The following DLGAP2 variants were observed in gnomAD, a reference collection of about 807,000 sequenced individuals.
DLGAP2 encodes the protein DLG associated protein 2.
Under a neutral mutation model 100.3 loss-of-function variants are expected in DLGAP2, and 26 were observed. That is an observed-to-expected ratio of 0.26 (90% confidence interval 0.19 to 0.36). The LOEUF (loss-of-function observed/expected upper bound fraction) is 0.36, where lower values mean the gene tolerates loss of function less well. Among genes scored for constraint, DLGAP2 ranks in the 10% least tolerant of loss-of-function variants. The pLI is 1.00. For missense variants in DLGAP2, 1,858 were observed against 1,453.2 expected (o/e 1.28, Z -4.53); for synonymous variants, 886 against 630.1 (o/e 1.41, Z -6.08).
intron 2 of DLGAP2, among the ~76,000 whole-genome samples, chr8:1,216,215 T>C (rs1798209906): frequency 6.6e-6 from 1 of 152,224 alleles, no homozygotes. Flanking sequence ...CATTGGGGTC[T>C]TCAGGTCTCA....
chr8:889,859 C>T lies in DLGAP2; in HGVS notation c.19-18053C>T, dbSNP rs542170872. Among the ~76,000 whole-genome samples, 137 of 152,350 alleles carry T rather than the reference C, an allele frequency of 9.0e-4. 1 individual carries two copies. Among genetic ancestry groups the T allele is most frequent in the Admixed American group, 6.1e-3 (93 of 15,304 alleles). On this transcript the variant is annotated intron_variant, in intron 1 of 14. Coordinates refer to ENST00000637795, the MANE Select transcript of DLGAP2 (RefSeq NM_001346810.2). Reference sequence around the variant, plus strand: ...AGAGGCTGTAAGAATCTTCACGTTCCGGGGCTGGAACTGTAGGCCCCAGTG... The same window carrying T: ...AGAGGCTGTAAGAATCTTCACGTTCTGGGGCTGGAACTGTAGGCCCCAGTG...
intron 3 of DLGAP2, chr8:1,302,198 C>T (rs539666556): frequency 2.6e-4 from 40 of 151,810 alleles, no homozygotes; most frequent in African/African-American, 9.0e-4. Flanking sequence ...GGACCGGACT[C>T]GGAATTTTCT....
At chr8:757,192 C>G (rs1293953143) in intron 1 of DLGAP2, among the ~76,000 whole-genome samples, 2 of 152,102 alleles carry the variant, frequency 1.3e-5, no homozygotes, top group Non-Finnish European at 2.9e-5. Flanking sequence ...AAACTTGCTC[C>G]AAAAAATTCT....
chr8:1,408,902 G>T (rs1389828575), intron 3 of DLGAP2, among the ~76,000 whole-genome samples: 1 of 152,196 alleles, frequency 6.6e-6, no homozygotes, highest in Admixed American at 6.5e-5. Flanking sequence ...ATGCCTGTCT[G>T]CCCACCCTCC....
intron 1 of DLGAP2, among the ~76,000 whole-genome samples, chr8:851,847 C>T (rs977994166): frequency 4.0e-5 from 6 of 150,326 alleles, no homozygotes; most frequent in Admixed American, 7.0e-5. Context: ...TGCTGGGTGG[C>T]GGGAGCTGCA....
intron 1 of DLGAP2, among the ~76,000 whole-genome samples, chr8:740,719 A>C (rs1256048801): frequency 2.0e-5 from 3 of 152,198 alleles, no homozygotes; most frequent in Non-Finnish European, 4.4e-5. Context: ...ATAATGTTGA[A>C]ATTGAAGAAA....
intron 1 of DLGAP2, among the ~76,000 whole-genome samples, chr8:856,549 A>AT (rs1171266178): frequency 6.6e-6 from 1 of 152,234 alleles, no homozygotes; most frequent in Non-Finnish European, 1.5e-5. Context: ...CAGGGTTAAT[A>AT]TGCAAAGGTC....
chr8:1,359,457 G>C (rs1801927864), intron 3 of DLGAP2, among the ~76,000 whole-genome samples: 1 of 152,272 alleles, frequency 6.6e-6, no homozygotes, highest in African/African-American at 2.4e-5. Context: ...AGGAACGTGG[G>C]CGTGGGGACA....
At chr8:1,198,722 G>C (rs1456459156) in intron 2 of DLGAP2, among the ~76,000 whole-genome samples, 1 of 152,198 alleles carries the variant, frequency 6.6e-6, no homozygotes, top group African/African-American at 2.4e-5. Context: ...AGACACGTGT[G>C]CCTGGGTGTG....
chr8:776,928 C>T (rs1209109177), intron 1 of DLGAP2, among the ~76,000 whole-genome samples: 2 of 152,102 alleles, frequency 1.3e-5, no homozygotes, highest in African/African-American at 2.4e-5. Context: ...TCTCGTTGAT[C>T]TGTCTAATGT....
chr8:1,337,526 TAGTG>T (rs1801316634), intron 3 of DLGAP2, among the ~76,000 whole-genome samples: 1 of 131,050 alleles, frequency 7.6e-6, no homozygotes, highest in Admixed American at 7.8e-5. Flanking sequence ...ATGCTGATGA[TAGTG>T]ATGATGATGA....
At chr8:1,008,029 A>G (rs1323112358) in intron 2 of DLGAP2, among the ~76,000 whole-genome samples, 1 of 152,160 alleles carries the variant, frequency 6.6e-6, no homozygotes, top group East Asian at 1.9e-4. Context: ...TGCACCTTCA[A>G]GTTATTAGTT....
intron 3 of DLGAP2, among the ~76,000 whole-genome samples, chr8:1,270,078 G>T (rs1799548942): frequency 6.6e-6 from 1 of 152,114 alleles, no homozygotes; most frequent in South Asian, 2.1e-4. Flanking sequence ...TTCCCTTGGG[G>T]TCCTGTTGAC....
chr8:1,386,827 T>G (rs2129791299), intron 3 of DLGAP2, among the ~76,000 whole-genome samples: 1 of 152,152 alleles, frequency 6.6e-6, no homozygotes, highest in African/African-American at 2.4e-5. Context: ...TTTTACCATA[T>G]TGATGGAAAA....
chr8:1,281,371 A>G (rs554391746), intron 3 of DLGAP2, among the ~76,000 whole-genome samples: 24 of 152,220 alleles, frequency 1.6e-4, no homozygotes, highest in African/African-American at 5.8e-4. Context: ...TGTCATCATG[A>G]CCTTGATTTG....
At chr8:1,344,451 G>A (rs539283655) in intron 3 of DLGAP2, among the ~76,000 whole-genome samples, 76 of 152,250 alleles carry the variant, frequency 5.0e-4, no homozygotes, top group Non-Finnish European at 8.5e-4. Flanking sequence ...GGTAAAAGTC[G>A]GGACTCAGAC....
At chr8:1,051,870 C>T (rs528657057) in intron 2 of DLGAP2, among the ~76,000 whole-genome samples, 52 of 152,194 alleles carry the variant, frequency 3.4e-4, no homozygotes, top group Admixed American at 3.3e-3. Context: ...GAGTCTGCTA[C>T]GGGTTTTTTC....
chr8:1,052,239 C>T (rs1221340957), intron 2 of DLGAP2, among the ~76,000 whole-genome samples: 1 of 152,202 alleles, frequency 6.6e-6, no homozygotes, highest in Non-Finnish European at 1.5e-5. Flanking sequence ...ACAGTTCATA[C>T]ATAGCCCAGG....
chr8:1,506,665 A>G (rs1040749339), intron 4 of DLGAP2, among the ~76,000 whole-genome samples: 1 of 152,188 alleles, frequency 6.6e-6, no homozygotes, highest in African/African-American at 2.4e-5. Flanking sequence ...CCCCACCCAC[A>G]TCCTGCTGAT....
Sources: gnomAD v4.1 joint callset for allele counts (sites outside exome capture counted in the v4.1 genomes callset) on GRCh38, gnomAD v4.1.1 for gene constraint, MANE v1.5 for transcripts, NCBI Gene and HGNC (gene_info 2026-07-23, HGNC 2026-07-21) for gene names.